CCT7: variants seen among roughly 807,000 people sequenced by gnomAD.
The protein encoded by CCT7 is T-complex protein 1 subunit eta.
Under a neutral mutation model 56.6 loss-of-function variants are expected in CCT7, and 16 were observed. The observed-to-expected ratio is 0.28, with a 90% CI of 0.19 to 0.43. The LOEUF (loss-of-function observed/expected upper bound fraction) is 0.43. Among genes scored for constraint, CCT7 ranks in the 20% least tolerant of loss-of-function variants. CCT7 has a pLI of 1.00. For missense variants in CCT7, 519 were observed against 685.6 expected (o/e 0.76, Z 2.71); for synonymous variants, 262 against 254.8 (o/e 1.03, Z -0.27).
chr2:73,235,204 A>G (rs1241674996), intron 1 of CCT7, among the ~76,000 whole-genome samples: 2 of 152,100 alleles, frequency 1.3e-5, no homozygotes, highest in Admixed American at 6.5e-5. Flanking sequence ...TTGTAGCCCT[A>G]CTTCCCACAC....
chr2:73,239,493 A>G (rs1574353669), intron 1 of CCT7, 150 bp from the exon 2 acceptor site: 1 of 673,006 alleles, frequency 1.5e-6, no homozygotes. Context: ...CTGGTTGGGG[A>G]ATGGATGTGG....
At chr2:73,240,594 G>T in intron 3 of CCT7, 51 bp downstream of exon 3, 1 of 1,161,102 alleles carries the variant, frequency 8.6e-7, no homozygotes, top group Non-Finnish European at 1.2e-6. Flanking sequence ...ATGCTTGCTT[G>T]CTCCTTAGTT....
At chr2:73,242,599 A>G (rs1687165562) in intron 3 of CCT7, among the ~76,000 whole-genome samples, 3 of 152,142 alleles carry the variant, frequency 2.0e-5, no homozygotes, top group African/African-American at 7.2e-5. Flanking sequence ...TTCTTAAACA[A>G]TGTTTGTCTC....
intron 1 of CCT7, among the ~76,000 whole-genome samples, chr2:73,238,045 AAT>A (rs1686953699): frequency 1.3e-5 from 2 of 152,200 alleles, no homozygotes; most frequent in Non-Finnish European, 2.9e-5. Flanking sequence ...TTAAAAAATG[AAT>A]AATATATTAA....
chr2:73,237,583 C>G (rs538781625), intron 1 of CCT7: 1 of 152,168 alleles, frequency 6.6e-6, no homozygotes, highest in East Asian at 1.9e-4. Flanking sequence ...GCTGAAGAGC[C>G]AGAAAGAATG....
At chr2:73,240,310 A>C in intron 2 of CCT7, 127 bp from the exon 3 acceptor site, 1 of 540,540 alleles carries the variant, frequency 1.9e-6, no homozygotes, top group Non-Finnish European at 3.2e-6. Flanking sequence ...TCAGATAGGT[A>C]TCCTTTCCCT....
At chr2:73,244,339 G>T (rs189131778) in intron 5 of CCT7, 1 of 604,062 alleles carries the variant, frequency 1.7e-6, no homozygotes, top group Non-Finnish European at 2.9e-6. Flanking sequence ...AGAAGCTGTC[G>T]ACTGTAGTTT....
Position 73,243,106 on chromosome 2 carries a change from G to A in CCT7, c.370G>A (p.Ala124Thr). ...EGLHPQIIIR[A>T]FRTATQLAVN... is the part of the protein sequence containing the mutation. ...TTTACACCCCCAGATCATCATTCGA[G>A]CTTTCCGCACAGCCACCCAGCTGGT... The change falls in exon 4 of 12, where the codon GCT (alanine) becomes ACT (threonine). Residue 124 changes from alanine (A) to threonine (T), a missense_variant. Coordinates refer to ENST00000258091, the MANE Select transcript of CCT7 (RefSeq NM_006429.4). The A allele has an allele frequency of 1.2e-6, 2 of 1,613,984 alleles. No individual in the cohort carries two copies. Among genetic ancestry groups the A allele is most frequent in the Non-Finnish European group, 1.7e-6 (2 of 1,179,872 alleles).
At chr2:73,244,764 C>A (rs776832332) in intron 6 of CCT7, 49 bp downstream of exon 6, 85 of 1,430,524 alleles carry the variant, frequency 5.9e-5, no homozygotes, top group Non-Finnish European at 8.1e-5. Context: ...CATATTGACC[C>A]TTCAGACAGC....
chr2:73,244,226 G>T, intron 5 of CCT7, 177 bp downstream of exon 5: 1 of 679,136 alleles, frequency 1.5e-6, no homozygotes. Flanking sequence ...CTGACTTCCT[G>T]TGGCCAAATT....
At chr2:73,235,784 T>A (rs1686856638) in intron 1 of CCT7, 1 of 159,412 alleles carries the variant, frequency 6.3e-6, no homozygotes, top group Non-Finnish European at 1.4e-5. Context: ...GGTGGTTGTT[T>A]GCTTCCTTTC....
In CCT7 at chr2:73,234,309, T is replaced by G. The variant is rs1040741572; in HGVS notation, c.-70T>G. ...CTGGGTATTTCTATTGCGCGAGGCA[T>G]TGTGGGTTGCTGGGCGGCCCGGTCT... On this transcript the variant is annotated 5_prime_UTR_variant, in exon 1 of 12. Transcript: ENST00000258091. 1 of 1,588,882 alleles carries G rather than the reference T, an allele frequency of 6.3e-7. No individual in the cohort carries two copies. Among genetic ancestry groups the G allele is most frequent in the African/African-American group, 1.3e-5 (1 of 74,646 alleles).
intron 1 of CCT7, 56 bp downstream of exon 1, chr2:73,234,440 C>G: frequency 6.3e-7 from 1 of 1,598,254 alleles, no homozygotes; most frequent in Admixed American, 1.7e-5. Context: ...CGGTGGCCGG[C>G]GCCGCTCGGC....
At chr2:73,247,681 A>G (rs1478907442) in intron 6 of CCT7, 81 bp from the exon 7 acceptor site, 3 of 1,214,570 alleles carry the variant, frequency 2.5e-6, no homozygotes, top group Non-Finnish European at 3.5e-6. Flanking sequence ...AGGAATGGAT[A>G]AGCACTAGCC....
chr2:73,243,111 C>T lies in CCT7; in HGVS notation c.375C>T (p.Phe125=), dbSNP rs1166656359. 6.2e-7 allele frequency: 1 copy of T among 1,614,008 alleles called. No individual in the cohort carries two copies. The highest frequency in any genetic ancestry group is 8.5e-7 in the Non-Finnish European group (1 of 1,179,878). Residue 125 remains phenylalanine, a synonymous_variant, in exon 4 of 12, where the codon TTC becomes TTT. Transcript: ENST00000258091. ...GLHPQIIIRA[F]RTATQLAVNK... Reference sequence around the variant, plus strand: ...ACCCCCAGATCATCATTCGAGCTTTCCGCACAGCCACCCAGCTGGTATGGC... The same window carrying T: ...ACCCCCAGATCATCATTCGAGCTTTTCGCACAGCCACCCAGCTGGTATGGC...
chr2:73,252,324 GATATATATATATATATATAT>G (rs57359293), intron 11 of CCT7, among the ~76,000 whole-genome samples: 4 of 127,320 alleles, frequency 3.1e-5, no homozygotes, highest in African/African-American at 1.2e-4. Context: ...CTCATTGTTT[GATATATATATATATATATAT>G]ATATATAGTC....
intron 11 of CCT7, among the ~76,000 whole-genome samples, chr2:73,251,950 AAG>A (rs1553379922): frequency 2.0e-5 from 3 of 151,952 alleles, no homozygotes; most frequent in Non-Finnish European, 4.4e-5. Flanking sequence ...AAAAAAAAAA[AAG>A]AGTATGATTG....
intron 11 of CCT7, 98 bp from the exon 12 acceptor site, chr2:73,252,542 G>T: frequency 1.1e-6 from 1 of 900,320 alleles, no homozygotes; most frequent in South Asian, 1.5e-5. Context: ...AGTTCAGAGA[G>T]TCTGCGGGTT....
intron 8 of CCT7, 145 bp from the exon 9 acceptor site, chr2:73,249,674 A>C: frequency 1.5e-6 from 1 of 647,554 alleles, no homozygotes; most frequent in South Asian, 1.8e-5. Context: ...AGAGAGGGGG[A>C]AGGGTCGCCT....
Sources: gnomAD v4.1 joint callset for allele counts (sites outside exome capture counted in the v4.1 genomes callset) on GRCh38, gnomAD v4.1.1 for gene constraint, MANE v1.5 for transcripts, NCBI Gene and HGNC (gene_info 2026-07-23, HGNC 2026-07-21) for gene names.